Variants in NKAIN3 observed in about 807,000 individuals in gnomAD.
The protein encoded by NKAIN3 is sodium/potassium transporting ATPase interacting 3.
A neutral mutation model predicts 30.2 loss-of-function variants in NKAIN3; 25 were observed. That is an observed-to-expected ratio of 0.83 (90% CI 0.60 to 1.16). The LOEUF (loss-of-function observed/expected upper bound fraction) is 1.16. Ranked by LOEUF, NKAIN3 falls within the 50% of genes most tolerant of loss-of-function variation. NKAIN3 has a pLI of 0.00. For synonymous variants in NKAIN3, 91 were observed against 89.6 expected, an observed-to-expected ratio of 1.02 and a Z score of -0.09; for missense variants, 225 against 254.1, an observed-to-expected ratio of 0.89 and a Z score of 0.78.
chr8:62,265,027 G>C (rs370713292), intron 1 of NKAIN3, among the ~76,000 whole-genome samples: 1 of 152,176 alleles, frequency 6.6e-6, no homozygotes, highest in African/African-American at 2.4e-5. Context: ...TAAGAAAAGA[G>C]TGATATCAGA....
At chr8:62,418,371 C>T (rs1389908829) in intron 1 of NKAIN3, among the ~76,000 whole-genome samples, 1 of 152,110 alleles carries the variant, frequency 6.6e-6, no homozygotes, top group East Asian at 1.9e-4. Flanking sequence ...AAAAATTGTG[C>T]TTACTTCTTC....
At chr8:62,958,180 G>A (rs558938564) in intron 6 of NKAIN3, among the ~76,000 whole-genome samples, 5 of 151,982 alleles carry the variant, frequency 3.3e-5, no homozygotes, top group Non-Finnish European at 5.9e-5. Context: ...TATAAAGTGA[G>A]TGAACGGATA....
intron 3 of NKAIN3, among the ~76,000 whole-genome samples, chr8:62,705,387 C>T (rs745783430): frequency 1.3e-5 from 2 of 152,094 alleles, no homozygotes; most frequent in Non-Finnish European, 2.9e-5. Flanking sequence ...TTATGAGAGC[C>T]CTTTAGAGAC....
chr8:62,623,257 GACCA>G (rs1411286194), intron 3 of NKAIN3, among the ~76,000 whole-genome samples: 1 of 151,872 alleles, frequency 6.6e-6, no homozygotes, highest in Non-Finnish European at 1.5e-5. Flanking sequence ...AGAGGTCTTT[GACCA>G]ACCAAGGAAA....
At chr8:62,279,371 G>C (rs2129395784) in intron 1 of NKAIN3, among the ~76,000 whole-genome samples, 1 of 152,272 alleles carries the variant, frequency 6.6e-6, no homozygotes, top group African/African-American at 2.4e-5. Flanking sequence ...AAGCTCTTTA[G>C]TTTAAATAGA....
At chr8:62,626,979 C>T (rs1811808264) in intron 3 of NKAIN3, among the ~76,000 whole-genome samples, 1 of 152,110 alleles carries the variant, frequency 6.6e-6, no homozygotes, top group African/African-American at 2.4e-5. Context: ...TTTGCACATG[C>T]TACAGCTCAA....
At position 62,307,854 on chromosome 8, in the gene NKAIN3, A is replaced by G. The variant is rs143324388; in HGVS notation, c.54+58727A>G. On this transcript the variant is annotated intron_variant, in intron 1 of 6. Transcript: ENST00000623646. Reference sequence around the variant, plus strand: ...AGTGAGTGGTATCAGGTTGTGTAGTATGACTGTTTTCACTATACTAAGGTT... The same window carrying G: ...AGTGAGTGGTATCAGGTTGTGTAGTGTGACTGTTTTCACTATACTAAGGTT... Among the ~76,000 whole-genome samples, 241 of 150,806 alleles carry G rather than the reference A, an allele frequency of 1.6e-3. 29 individuals carry two copies. The highest frequency in any genetic ancestry group is 5.6e-3 in the African/African-American group (226 of 40,160).
At chr8:62,307,363 C>T (rs1814281361) in intron 1 of NKAIN3, among the ~76,000 whole-genome samples, 1 of 149,498 alleles carries the variant, frequency 6.7e-6, no homozygotes, top group Non-Finnish European at 1.5e-5. Context: ...TCCTCTCTCC[C>T]TCCTCTCTCT....
intron 1 of NKAIN3, among the ~76,000 whole-genome samples, chr8:62,389,449 G>C (rs1358879001): frequency 1.3e-5 from 2 of 152,162 alleles, no homozygotes; most frequent in Non-Finnish European, 2.9e-5. Flanking sequence ...AATGAAAAGA[G>C]AGAAAGGTGT....
intron 3 of NKAIN3, among the ~76,000 whole-genome samples, chr8:62,701,776 G>A (rs1362866804): frequency 6.6e-6 from 1 of 152,134 alleles, no homozygotes; most frequent in Non-Finnish European, 1.5e-5. Context: ...CCCAACCGAG[G>A]AGCTGCACAT....
chr8:62,536,991 G>T (rs1808685522), intron 1 of NKAIN3, among the ~76,000 whole-genome samples: 1 of 152,080 alleles, frequency 6.6e-6, no homozygotes, highest in Non-Finnish European at 1.5e-5. Context: ...AGGGAGCAGG[G>T]ACAGGCAGAC....
intron 3 of NKAIN3, among the ~76,000 whole-genome samples, chr8:62,679,048 TA>T: frequency 6.6e-6 from 1 of 152,220 alleles, no homozygotes; most frequent in South Asian, 2.1e-4. Flanking sequence ...AAGAGATAAT[TA>T]GAGATCCCAG....
intron 1 of NKAIN3, among the ~76,000 whole-genome samples, chr8:62,266,720 A>G (rs1274331415): frequency 1.3e-5 from 2 of 152,284 alleles, no homozygotes; most frequent in Middle Eastern, 3.4e-3. Context: ...CAAGCTCACC[A>G]GTGTGCCAGG....
intron 3 of NKAIN3, among the ~76,000 whole-genome samples, chr8:62,712,519 G>A (rs1467558991): frequency 1.3e-5 from 2 of 152,028 alleles, no homozygotes; most frequent in African/African-American, 2.4e-5. Flanking sequence ...GGAAGTGGGG[G>A]AAAGCCAGCA....
rs977238116 is a variant in NKAIN3, at chr8:62,321,843, C to T, written c.54+72716C>T. Among the ~76,000 whole-genome samples, 8 of 152,300 alleles carry T rather than the reference C, an allele frequency of 5.3e-5. No individual in the cohort carries two copies. The East Asian group carries it at 1.6e-3, about 30-fold the overall frequency. On this transcript the variant is annotated intron_variant, in intron 1 of 6. Coordinates refer to ENST00000623646, the MANE Select transcript of NKAIN3 (RefSeq NM_001304533.3). ...CAGCTGCGTGCTGGGAGAACCACTA[C>T]TCTCTTCAAAGCTGTCAGACAGGGA...
intron 3 of NKAIN3, among the ~76,000 whole-genome samples, chr8:62,666,192 G>A (rs927492962): frequency 6.6e-5 from 10 of 152,200 alleles, no homozygotes; most frequent in South Asian, 2.1e-4. Flanking sequence ...CAGGCTGGGC[G>A]ACAGAGCAAG....
chr8:62,338,245 A>T (rs1395403100), intron 1 of NKAIN3, among the ~76,000 whole-genome samples: 1 of 152,026 alleles, frequency 6.6e-6, no homozygotes, highest in Non-Finnish European at 1.5e-5. Context: ...TAGAAACTAT[A>T]TTCATGTTGA....
chr8:62,783,385 G>A (rs1022445046), intron 4 of NKAIN3, among the ~76,000 whole-genome samples: 1 of 151,976 alleles, frequency 6.6e-6, no homozygotes, highest in Non-Finnish European at 1.5e-5. Context: ...AACCATGCTG[G>A]CACTCTGATT....
intron 1 of NKAIN3, among the ~76,000 whole-genome samples, chr8:62,413,411 C>T (rs879716084): frequency 3.3e-5 from 5 of 152,104 alleles, no homozygotes; most frequent in Non-Finnish European, 7.4e-5. Context: ...GACTATCACC[C>T]TTGGGTTTAT....
Sources: allele counts gnomAD v4.1 joint callset (sites outside exome capture counted in the v4.1 genomes callset), GRCh38; gene constraint gnomAD v4.1.1; transcripts MANE v1.5; gene names NCBI Gene and HGNC (gene_info 2026-07-23, HGNC 2026-07-21).